Variants in SLC35F4 observed in about 807,000 individuals in gnomAD.
SLC35F4 encodes the protein solute carrier family 35 member F4.
Under a neutral mutation model 44.2 loss-of-function variants are expected in SLC35F4, and 24 were observed. That is an observed-to-expected ratio of 0.54 (90% CI 0.39 to 0.76). The LOEUF is 0.76. Among genes scored for constraint, SLC35F4 ranks in the 30% least tolerant of loss-of-function variants. SLC35F4 has a pLI of 0.00. For synonymous variants in SLC35F4, 238 were observed against 223.6 expected (o/e 1.06, Z -0.57); for missense variants, 562 against 586.1 (o/e 0.96, Z 0.42).
At chr14:57,757,013 T>C (rs1431303018) in intron 1 of SLC35F4, among the ~76,000 whole-genome samples, 1 of 152,170 alleles carries the variant, frequency 6.6e-6, no homozygotes, top group Non-Finnish European at 1.5e-5. Context: ...ACTATAATTG[T>C]GAATGTTTTC....
At chr14:57,762,714 G>C (rs1003305977) in intron 1 of SLC35F4, among the ~76,000 whole-genome samples, 1 of 152,102 alleles carries the variant, frequency 6.6e-6, no homozygotes, top group Non-Finnish European at 1.5e-5. Context: ...GATGAGTTCA[G>C]CGTCTCCCTT....
rs888175079 is a variant in SLC35F4, at chr14:57,733,032, G to GA, written c.103+132690dup. On this transcript the variant is annotated intron_variant, in intron 1 of 7. Transcript: ENST00000556826. ...GATTCATGTATAAATGTGTAAATAT[G>GA]AAAAAAAAACCAGCCTCCAGATTCC... 4.0e-4 allele frequency among the ~76,000 whole-genome samples: 60 copies of GA among 150,366 alleles called. 1 individual carries two copies. Among genetic ancestry groups the GA allele is most frequent in the African/African-American group, 9.8e-4 (40 of 41,018 alleles).
intron 1 of SLC35F4, among the ~76,000 whole-genome samples, chr14:57,647,482 T>A (rs1212315592): frequency 6.9e-6 from 1 of 145,848 alleles, no homozygotes; most frequent in Admixed American, 6.9e-5. Flanking sequence ...CTGTTAGCCA[T>A]GTGGCCATTG....
At chr14:57,853,195 C>G (rs1425973672) in intron 1 of SLC35F4, among the ~76,000 whole-genome samples, 1 of 152,136 alleles carries the variant, frequency 6.6e-6, no homozygotes, top group Admixed American at 6.5e-5. Flanking sequence ...GATGGGCACT[C>G]TTAAACAGAA....
intron 1 of SLC35F4, among the ~76,000 whole-genome samples, chr14:57,904,815 A>T (rs1330663521): frequency 6.6e-6 from 1 of 151,980 alleles, no homozygotes; most frequent in Non-Finnish European, 1.5e-5. Flanking sequence ...ACCAACCCAG[A>T]TGCTGGGATC....
intron 1 of SLC35F4, among the ~76,000 whole-genome samples, chr14:57,925,324 A>T (rs1186804610): frequency 6.6e-6 from 1 of 152,022 alleles, no homozygotes; most frequent in Non-Finnish European, 1.5e-5. Flanking sequence ...TTTCACATAC[A>T]TTCTTCTCAG....
chr14:57,783,445 G>A (rs1218453442), intron 1 of SLC35F4, among the ~76,000 whole-genome samples: 2 of 152,078 alleles, frequency 1.3e-5, no homozygotes, highest in Admixed American at 6.6e-5. Flanking sequence ...AAAGAGAAGC[G>A]AGCACCAGGA....
At chr14:57,625,815 C>G (rs186533062) in intron 1 of SLC35F4, among the ~76,000 whole-genome samples, 14 of 152,244 alleles carry the variant, frequency 9.2e-5, no homozygotes, top group East Asian at 5.8e-4. Context: ...CTAGCAATCC[C>G]ATTACTGGGT....
intron 1 of SLC35F4, among the ~76,000 whole-genome samples, chr14:57,955,608 C>A (rs1890221770): frequency 6.6e-6 from 1 of 152,188 alleles, no homozygotes; most frequent in Non-Finnish European, 1.5e-5. Context: ...GATACAAAAT[C>A]AATGTGCAAA....
At chr14:57,913,075 T>C (rs928912785) in intron 1 of SLC35F4, among the ~76,000 whole-genome samples, 28 of 152,102 alleles carry the variant, frequency 1.8e-4, no homozygotes, top group African/African-American at 6.8e-4. Context: ...GGAAAATTAA[T>C]GTACCCACTA....
chr14:57,591,537 T>C (rs993403238), intron 2 of SLC35F4, among the ~76,000 whole-genome samples: 1 of 152,202 alleles, frequency 6.6e-6, no homozygotes, highest in Non-Finnish European at 1.5e-5. Flanking sequence ...ACTTATTAAG[T>C]AGGTATTATC....
rs139096622 is a variant in SLC35F4 at position 57,623,171 on chromosome 14, A to G, written c.104-29047T>C. The stretch of plus-strand genomic sequence containing the variant: ...CAGAGGTTGCAATCCTATTCTCTGA[A>G]AAAACCCAGATATTAAACCAACAAA... On this transcript the variant is annotated intron_variant, in intron 1 of 7. Transcript: ENST00000556826. Among the ~76,000 whole-genome samples the G allele has an allele frequency of 2.0e-5, 3 of 152,240 alleles. No individual in the cohort carries two copies. In the East Asian group the frequency reaches 5.8e-4, roughly 29 times the overall value.
chr14:57,699,074 G>A (rs528794306), intron 1 of SLC35F4, among the ~76,000 whole-genome samples: 2 of 152,260 alleles, frequency 1.3e-5, no homozygotes, highest in South Asian at 4.1e-4. Flanking sequence ...GCTCTTTTAA[G>A]TAAGATGTAA....
intron 1 of SLC35F4, among the ~76,000 whole-genome samples, chr14:57,696,590 C>A (rs12435861): frequency 0.25 from 38,212 of 152,156 alleles, 4,827 homozygotes; most frequent in South Asian, 0.31. Flanking sequence ...GATTATAAAT[C>A]ATTCTACTAT....
At chr14:57,726,574 G>A (rs1423773348) in intron 1 of SLC35F4, among the ~76,000 whole-genome samples, 1 of 152,128 alleles carries the variant, frequency 6.6e-6, no homozygotes, top group African/African-American at 2.4e-5. Flanking sequence ...TTAACTTTAT[G>A]TAATAGTATT....
At chr14:57,603,605 C>T (rs996930211) in intron 1 of SLC35F4, among the ~76,000 whole-genome samples, 1 of 152,158 alleles carries the variant, frequency 6.6e-6, no homozygotes, top group African/African-American at 2.4e-5. Context: ...CCCTACAGTA[C>T]CAGTGGGTAC....
At chr14:57,972,901 T>G (rs1345521618), downstream of SLC35F4, among the ~76,000 whole-genome samples, 1 of 152,244 alleles carries the variant, frequency 6.6e-6, no homozygotes, top group African/African-American at 2.4e-5. Flanking sequence ...GGACATGGAA[T>G]ACAATGCCGA....
At position 57,581,313 on chromosome 14, in the gene SLC35F4, C is replaced by T; in HGVS notation, c.708G>A (p.Lys236=). ...TNYLYLLALK[K]LTATDVSALF... is the part of the protein sequence containing the mutation. Reference sequence around the variant, plus strand: ...GAGCGGAGACATCCGTGGCCGTCAGCTTCTTTAAAGCCAGTAAATAAAGGT... The same window carrying T: ...GAGCGGAGACATCCGTGGCCGTCAGTTTCTTTAAAGCCAGTAAATAAAGGT... Residue 236 remains lysine (K), a synonymous_variant, in exon 4 of 8, where the codon AAG becomes AAA. Transcript: ENST00000556826. 1 of 1,613,630 alleles carries T rather than the reference C, an allele frequency of 6.2e-7. No homozygotes were observed.
chr14:57,799,727 G>T (rs1332357454), intron 1 of SLC35F4, among the ~76,000 whole-genome samples: 1 of 152,242 alleles, frequency 6.6e-6, no homozygotes, highest in Non-Finnish European at 1.5e-5. Flanking sequence ...ATGCAGCACA[G>T]CTGCCTTGCC....
Sources: gnomAD v4.1 joint callset for allele counts (sites outside exome capture counted in the v4.1 genomes callset) on GRCh38, gnomAD v4.1.1 for gene constraint, MANE v1.5 for transcripts, NCBI Gene and HGNC (gene_info 2026-07-23, HGNC 2026-07-21) for gene names.